DDX23: variants seen among roughly 807,000 people sequenced by gnomAD.
DDX23 encodes probable ATP-dependent RNA helicase DDX23.
Under a neutral mutation model 102.7 loss-of-function variants are expected in DDX23, and 33 were observed. The observed-to-expected ratio is 0.32, with a 90% CI of 0.24 to 0.43. DDX23 has a LOEUF of 0.43. DDX23 is among the 20% of genes least tolerant of loss of function. DDX23 has a pLI of 1.00. For missense variants in DDX23, 549 were observed against 1,086.6 expected (o/e 0.51, Z 6.96); for synonymous variants, 352 against 376.0 (o/e 0.94, Z 0.74).
Position 48,836,821 on chromosome 12 carries a change from G to A in DDX23, c.1011-27C>T. 6.2e-7 allele frequency: 1 copy of A among 1,613,156 alleles called. No homozygotes were observed. Among genetic ancestry groups the A allele is most frequent in the African/African-American group, 1.3e-5 (1 of 75,034 alleles). ...TGGAGCAGGGTGTGAGGAGTAAGTAGAATCAGTGCCCTCCAACTCCTTTCT... is the reference window on the plus strand; with the variant it reads ...TGGAGCAGGGTGTGAGGAGTAAGTAAAATCAGTGCCCTCCAACTCCTTTCT... On this transcript the variant is annotated intron_variant, in intron 9 of 16. Coordinates refer to ENST00000308025, the MANE Select transcript of DDX23 (RefSeq NM_004818.3). This position sits in a 1 kb window ranked among gnomAD's most constrained non-coding sequence, Gnocchi z 6.1.
rs770453167 is a variant in DDX23 at position 48,836,806 on chromosome 12, T to C, written c.1011-12A>G. The C allele has an allele frequency of 1.2e-5, 20 of 1,613,452 alleles. No individual in the cohort carries two copies. In the Admixed American group the frequency reaches 3.3e-4, roughly 27 times the overall value. On this transcript the variant is annotated splice_polypyrimidine_tract_variant and intron_variant, in intron 9 of 16. Transcript: ENST00000308025. This position sits in a 1 kb window ranked among gnomAD's most constrained non-coding sequence, Gnocchi z 6.1. ...TGCGGAGTCTTGCCCTGGAGCAGGG[T>C]GTGAGGAGTAAGTAGAATCAGTGCC...
intron 11 of DDX23, chr12:48,835,112 G>A (rs139000443): frequency 1.1e-4 from 23 of 201,972 alleles, no homozygotes; most frequent in African/African-American, 4.8e-4. Context: ...GGGCATGTTC[G>A]AACACACCTG....
chr12:48,848,732 A>G (rs537368152), intron 1 of DDX23, among the ~76,000 whole-genome samples: 2 of 148,966 alleles, frequency 1.3e-5, no homozygotes, highest in African/African-American at 5.0e-5. Context: ...CTATAGGCGC[A>G]TGCCACCACA....
Position 48,832,150 on chromosome 12 carries a change from G to A in DDX23, c.1992C>T (p.Asp664=), listed in dbSNP as rs749260952. ...GGTTGACAAAAATAATGATGGGTGG[G>A]TCAAAGCCTTGCTCCAAGATTGCCA... ...KLLAILEQGF[D]PPIIIFVNQK... Residue 664 remains aspartate, a synonymous_variant, in exon 15 of 17, where the codon GAC becomes GAT. Transcript: ENST00000308025. This position sits in a 1 kb window ranked among gnomAD's most constrained non-coding sequence, Gnocchi z 4.4. 61 of 1,613,774 alleles carry A rather than the reference G, an allele frequency of 3.8e-5. No individual in the cohort carries two copies. Among genetic ancestry groups the A allele is most frequent in the Non-Finnish European group, 2.5e-6 (3 of 1,180,010 alleles).
intron 5 of DDX23, 143 bp downstream of exon 5, chr12:48,839,701 G>A: frequency 2.6e-6 from 2 of 773,032 alleles, no homozygotes; most frequent in East Asian, 5.5e-5. Context: ...GACCTCAGAA[G>A]AAATAACCCT....
rs1015579307 is a variant in DDX23, at chr12:48,832,798, T to C, written c.1804-225A>G. Reference sequence around the variant, plus strand: ...TGATGACAGGAAGGATTGAGAGCATTTGCTAGCACCTGTGGTCCCGGTAGC... The same window carrying C: ...TGATGACAGGAAGGATTGAGAGCATCTGCTAGCACCTGTGGTCCCGGTAGC... On this transcript the variant is annotated intron_variant, in intron 13 of 16. Coordinates refer to ENST00000308025, the MANE Select transcript of DDX23 (RefSeq NM_004818.3). This position sits in a 1 kb window ranked among gnomAD's most constrained non-coding sequence, Gnocchi z 4.4. The C allele has an allele frequency of 1.2e-5, 7 of 597,080 alleles. No homozygotes were observed. The African/African-American group carries it at 1.3e-4, about 11-fold the overall frequency. The allele number at this position is 597,080 out of a possible 1,614,324, so 37.0% of individuals were successfully genotyped here.
chr12:48,850,587 T>A lies in DDX23; in HGVS notation c.-1+1497A>T, dbSNP rs543951955. ...AGGCAGCATAGTGAAAGAAAAAAAA[T>A]AGAGAAGAAGCTCCAGAATTGAGCT... is the stretch of plus-strand genomic sequence containing the variant. On this transcript the variant is annotated intron_variant, in intron 1 of 16. Coordinates refer to ENST00000308025, the MANE Select transcript of DDX23 (RefSeq NM_004818.3). Among the ~76,000 whole-genome samples the A allele has an allele frequency of 2.6e-5, 4 of 151,858 alleles. No individual in the cohort carries two copies. In the East Asian group the frequency reaches 7.8e-4, roughly 29 times the overall value.
At position 48,837,609 on chromosome 12, in the gene DDX23, C is replaced by T. The variant is rs1303871004; in HGVS notation, c.668G>A (p.Arg223Gln). The stretch of plus-strand genomic sequence containing the variant: ...CTCATCCTCATTTCCATTGGTCTCC[C>T]GTTCCATCCTCTCCCTGCGTTCCCG... Reference protein sequence around the residue: ...ERRERRERMERETNGNEDEEG... With the variant: ...ERRERRERMEQETNGNEDEEG... Residue 223 changes from arginine (R) to glutamine (Q), a missense_variant, in exon 7 of 17, where the codon CGG becomes CAG. Around this residue, in one of 4 missense-constraint regions of DDX23, gnomAD observed 270 missense variants for 707.0 expected, o/e 0.38. Coordinates refer to ENST00000308025, the MANE Select transcript of DDX23 (RefSeq NM_004818.3). 7 of 1,614,048 alleles carry T rather than the reference C, an allele frequency of 4.3e-6. No homozygotes were observed. The highest frequency in any genetic ancestry group is 1.1e-5 in the South Asian group (1 of 91,090).
At chr12:48,848,725 T>C (rs1938709962) in intron 1 of DDX23, among the ~76,000 whole-genome samples, 1 of 150,540 alleles carries the variant, frequency 6.6e-6, no homozygotes, top group Non-Finnish European at 1.5e-5. Context: ...GCTGGGACTA[T>C]AGGCGCATGC....
intron 5 of DDX23, among the ~76,000 whole-genome samples, chr12:48,838,533 G>A (rs1346862734): frequency 6.6e-6 from 1 of 150,376 alleles, no homozygotes; most frequent in South Asian, 2.1e-4. Flanking sequence ...CTGGGCAAAC[G>A]AGCAAGACCT....
intron 3 of DDX23, among the ~76,000 whole-genome samples, chr12:48,841,859 T>C (rs1457887258): frequency 2.6e-5 from 4 of 151,810 alleles, no homozygotes; most frequent in South Asian, 2.1e-4. Context: ...AGTGCCGAGA[T>C]TGCAGCCTCT....
chr12:48,848,729 C>G (rs550994509), intron 1 of DDX23, among the ~76,000 whole-genome samples: 1 of 150,560 alleles, frequency 6.6e-6, no homozygotes, highest in African/African-American at 2.4e-5. Context: ...GGACTATAGG[C>G]GCATGCCACC....
chr12:48,843,890 A>G (rs1404651734), intron 3 of DDX23, 50 bp downstream of exon 3: 1 of 1,587,894 alleles, frequency 6.3e-7, no homozygotes, highest in Non-Finnish European at 8.6e-7. Context: ...TCAGGTGCAG[A>G]GAAGAAATGG....
intron 7 of DDX23, 58 bp downstream of exon 7, chr12:48,837,466 A>G (rs958506391): frequency 6.2e-7 from 1 of 1,612,982 alleles, no homozygotes. Context: ...ACAATGGCCA[A>G]ATAACTAAAC....
In DDX23 at chr12:48,830,757, TC is replaced by T; in HGVS notation, c.2240-66del. 1 of 1,485,334 alleles carries T rather than the reference TC, an allele frequency of 6.7e-7. No individual in the cohort carries two copies. The highest frequency in any genetic ancestry group is 9.1e-7 in the Non-Finnish European group (1 of 1,094,600). The allele number at this position is 1,485,334 out of a possible 1,614,324, so 92.0% of individuals were successfully genotyped here. ...GCCCTGGGGAGCCGTGTCTGATGCC[TC>T]CACTTCTAGAGGCATCCTTCCCACC... On this transcript the variant is annotated intron_variant, in intron 16 of 16. Coordinates refer to ENST00000308025, the MANE Select transcript of DDX23 (RefSeq NM_004818.3). The surrounding 1 kb of genome is among the most constrained non-coding windows in gnomAD (Gnocchi z 4.9).
intron 3 of DDX23, among the ~76,000 whole-genome samples, chr12:48,842,461 C>T (rs550107957): frequency 7.2e-6 from 1 of 138,498 alleles, no homozygotes; most frequent in Non-Finnish European, 1.6e-5. Flanking sequence ...GGGGGTCAGC[C>T]CCCCGCCCGG....
rs1017179192 is a variant in DDX23, at chr12:48,835,104, G to C, written c.1383-607C>G. 6 of 193,354 alleles carry C rather than the reference G, an allele frequency of 3.1e-5. No individual in the cohort carries two copies. In the Admixed American group the frequency reaches 3.4e-4, roughly 11 times the overall value. 12.0% of individuals were successfully genotyped at this position (193,354 alleles called of 1,614,324 possible). A position where few individuals can be genotyped will look rare whatever the true frequency, so the allele number is the denominator to read the frequency against. On this transcript the variant is annotated intron_variant, in intron 11 of 16. Coordinates refer to ENST00000308025, the MANE Select transcript of DDX23 (RefSeq NM_004818.3). ...TACAAAAAATACAAAAATTAGCTGG[G>C]CATGTTCGAACACACCTGTAATCCC...
chr12:48,840,222 T>C (rs774017597), intron 3 of DDX23, 116 bp from the exon 4 acceptor site: 41 of 816,582 alleles, frequency 5.0e-5, no homozygotes, highest in Non-Finnish European at 8.2e-5. Flanking sequence ...GACTGGCCCA[T>C]GGTCATCTAT....
chr12:48,843,663 C>T (rs1033113374), intron 3 of DDX23, among the ~76,000 whole-genome samples: 1 of 151,268 alleles, frequency 6.6e-6, no homozygotes, highest in Non-Finnish European at 1.5e-5. Context: ...ATTCTCCTAC[C>T]TCAGCCTCCT....
Sources: gnomAD v4.1 joint callset for allele counts (sites outside exome capture counted in the v4.1 genomes callset) on GRCh38, gnomAD v4.1.1 for gene constraint, gnomAD v4.1.1 regional missense constraint, Gnocchi (gnomAD v3.1) non-coding constraint, MANE v1.5 for transcripts, NCBI Gene and HGNC (gene_info 2026-07-23, HGNC 2026-07-21) for gene names.